ABLIM2: variants seen among roughly 807,000 people sequenced by gnomAD.
ABLIM2 encodes the protein actin-binding LIM protein 2.
ABLIM2 carries 53 observed loss-of-function variants against 97.7 expected under a neutral mutation model. The ratio of observed to expected loss-of-function variants is 0.54; its 90% CI spans 0.44 to 0.68. ABLIM2 has a LOEUF of 0.68. Among genes scored for constraint, ABLIM2 ranks in the 30% least tolerant of loss-of-function variants. ABLIM2 has a pLI of 0.00. For missense variants in ABLIM2, 835 were observed against 867.2 expected, an observed-to-expected ratio of 0.96 and a Z score of 0.47; for synonymous variants, 361 against 345.8, an observed-to-expected ratio of 1.04 and a Z score of -0.49.
At chr4:8,101,610 G>C (rs376804425) in intron 2 of ABLIM2, among the ~76,000 whole-genome samples, 1 of 152,124 alleles carries the variant, frequency 6.6e-6, no homozygotes, top group Non-Finnish European at 1.5e-5. Context: ...CTCTCCTCCC[G>C]GACACACGTC....
At chr4:8,096,562 AG>A in intron 3 of ABLIM2, among the ~76,000 whole-genome samples, 1 of 152,382 alleles carries the variant, frequency 6.6e-6, no homozygotes, top group Admixed American at 6.5e-5. Flanking sequence ...CTGTAACCAC[AG>A]GGAACTGCTT....
At chr4:8,039,976 G>A (rs1787229457) in intron 9 of ABLIM2, among the ~76,000 whole-genome samples, 2 of 151,240 alleles carry the variant, frequency 1.3e-5, no homozygotes, top group Admixed American at 1.3e-4. Context: ...TTTATGGAGG[G>A]TCTACTGTGT....
At chr4:8,102,908 T>C (rs749037782) in intron 2 of ABLIM2, among the ~76,000 whole-genome samples, 3 of 152,184 alleles carry the variant, frequency 2.0e-5, no homozygotes, top group African/African-American at 4.8e-5. Flanking sequence ...ATGAGTCATA[T>C]GGGGAGTCTA....
chr4:8,050,919 A>C (rs1365957250), intron 8 of ABLIM2, among the ~76,000 whole-genome samples: 1 of 152,256 alleles, frequency 6.6e-6, no homozygotes, highest in Non-Finnish European at 1.5e-5. Context: ...AAGCAACTTC[A>C]AACAGAGCCC....
rs1757831578 is a variant in ABLIM2 at position 8,002,385 on chromosome 4, C to A, written c.1618+5674G>T. On this transcript the variant is annotated intron_variant, in intron 16 of 20. Coordinates refer to ENST00000447017, the MANE Select transcript of ABLIM2 (RefSeq NM_001130083.2). The surrounding 1 kb of genome is among the most constrained non-coding windows in gnomAD (Gnocchi z 6.1). Reference sequence around the variant, plus strand: ...TTCCTGAGCTGCCACCATGTGGGCCCTGCCAGTGAGATCCTTCCAGGGCCC... The same window carrying A: ...TTCCTGAGCTGCCACCATGTGGGCCATGCCAGTGAGATCCTTCCAGGGCCC... Among the ~76,000 whole-genome samples the A allele has an allele frequency of 6.6e-6, 1 of 152,220 alleles. No individual in the cohort carries two copies. The highest frequency in any genetic ancestry group is 6.5e-5 in the Admixed American group (1 of 15,286).
intron 9 of ABLIM2, among the ~76,000 whole-genome samples, chr4:8,037,390 A>G (rs1785241554): frequency 6.6e-6 from 1 of 151,888 alleles, no homozygotes; most frequent in African/African-American, 2.4e-5. Flanking sequence ...GTGCATGTAT[A>G]CCTCCACACA....
chr4:7,968,676 G>T (rs1337568449), intron 20 of ABLIM2, among the ~76,000 whole-genome samples: 1 of 152,200 alleles, frequency 6.6e-6, no homozygotes, highest in Admixed American at 6.5e-5. Flanking sequence ...AGGGACTGGG[G>T]GAGAGAGGAA....
intron 7 of ABLIM2, among the ~76,000 whole-genome samples, chr4:8,059,782 T>G (rs1381641415): frequency 3.3e-5 from 5 of 151,906 alleles, no homozygotes. Context: ...GGTGCATGCC[T>G]GTAATCCCAG....
rs1434035434 is a variant in ABLIM2, at chr4:8,056,110, CTCAAAAAA to C, written c.764-1872_764-1865del. On this transcript the variant is annotated intron_variant, in intron 7 of 20. Transcript: ENST00000447017. ...CCTGGGTAACAGAGCAAGACTCTGT[CTCAAAAAA>C]AAAAAAAAAAAAAAAAAAAAAGTAA... is the stretch of plus-strand genomic sequence containing the variant. 3.0e-4 allele frequency among the ~76,000 whole-genome samples: 6 copies of C among 20,266 alleles called. No homozygotes were observed. The South Asian group carries it at 0.021, about 70-fold the overall frequency. The allele number at this position is 20,266 out of a possible 152,430, so 13.3% of individuals were successfully genotyped here. A position where few individuals can be genotyped will look rare whatever the true frequency, so the allele number is the denominator to read the frequency against.
intron 15 of ABLIM2, 121 bp downstream of exon 15, chr4:8,008,929 C>T: frequency 8.3e-7 from 1 of 1,202,400 alleles, no homozygotes; most frequent in Non-Finnish European, 1.2e-6. Context: ...TTTGGCCTCG[C>T]AGGGCCCCTA....
chr4:8,045,116 C>T (rs750997260), intron 9 of ABLIM2, 48 bp downstream of exon 9: 1 of 1,569,340 alleles, frequency 6.4e-7, no homozygotes, highest in Non-Finnish European at 8.8e-7. Context: ...GGCCCCCCTT[C>T]TCTCTCCACC....
At chr4:8,084,249 C>A (rs780970447) in intron 4 of ABLIM2, among the ~76,000 whole-genome samples, 9 of 152,196 alleles carry the variant, frequency 5.9e-5, no homozygotes, top group Non-Finnish European at 1.3e-4. Flanking sequence ...AGGACTAGAC[C>A]GGGACAGGCC....
intron 1 of ABLIM2, among the ~76,000 whole-genome samples, chr4:8,139,640 T>TAAA (rs1173238235): frequency 2.0e-5 from 3 of 152,374 alleles, no homozygotes; most frequent in African/African-American, 7.2e-5. Context: ...GGAATGCTTT[T>TAAA]ACTCTGTTGG....
intron 6 of ABLIM2, among the ~76,000 whole-genome samples, chr4:8,073,794 CAA>C (rs1220132641): frequency 6.6e-6 from 1 of 152,110 alleles, no homozygotes; most frequent in Non-Finnish European, 1.5e-5. Flanking sequence ...GGAATGGCTA[CAA>C]ATGACAAAAG....
intron 1 of ABLIM2, among the ~76,000 whole-genome samples, chr4:8,151,632 G>A (rs940865047): frequency 6.6e-6 from 1 of 152,218 alleles, no homozygotes; most frequent in African/African-American, 2.4e-5. Context: ...AGTGGGCGGG[G>A]TGGGGCGGTG....
chr4:7,971,485 G>A (rs1169195055), intron 20 of ABLIM2, among the ~76,000 whole-genome samples: 1 of 152,190 alleles, frequency 6.6e-6, no homozygotes, highest in Non-Finnish European at 1.5e-5. Context: ...CAGCATGGCA[G>A]GGGGACTGCC....
chr4:8,001,994 C>T lies in ABLIM2; in HGVS notation c.1618+6065G>A, dbSNP rs1381167033. Among the ~76,000 whole-genome samples, 1 of 152,194 alleles carries T rather than the reference C, an allele frequency of 6.6e-6. No individual in the cohort carries two copies. Among genetic ancestry groups the T allele is most frequent in the Non-Finnish European group, 1.5e-5 (1 of 68,046 alleles). On this transcript the variant is annotated intron_variant, in intron 16 of 20. Transcript: ENST00000447017. This position sits in a 1 kb window ranked among gnomAD's most constrained non-coding sequence, Gnocchi z 4.2. ...GCTGAGATGGGGAGATGGGAGGACA[C>T]TGACAAAGAGTAGGCTGGGGGCCAG...
chr4:7,993,965 G>A (rs1164517974), intron 16 of ABLIM2: 4 of 510,438 alleles, frequency 7.8e-6, no homozygotes, highest in Non-Finnish European at 1.6e-5. Context: ...TGATGGGAGA[G>A]CAGGGAGGAA....
intron 4 of ABLIM2, among the ~76,000 whole-genome samples, chr4:8,084,457 C>A (rs1822002062): frequency 6.6e-6 from 1 of 152,178 alleles, no homozygotes. Flanking sequence ...GGGCACCCAC[C>A]CTCTTAGCAC....
Sources: allele counts gnomAD v4.1 joint callset (sites outside exome capture counted in the v4.1 genomes callset), GRCh38; gene constraint gnomAD v4.1.1; non-coding constraint Gnocchi (gnomAD v3.1); transcripts MANE v1.5; gene names NCBI Gene and HGNC (gene_info 2026-07-23, HGNC 2026-07-21).